ZFAT: variants seen among roughly 807,000 people sequenced by gnomAD.
The protein encoded by ZFAT is zinc finger and AT-hook domain containing.
In ZFAT, 64 loss-of-function variants were observed where a neutral mutation model predicts 117.7. The ratio of observed to expected loss-of-function variants is 0.54; its 90% CI spans 0.44 to 0.67. The LOEUF (loss-of-function observed/expected upper bound fraction) is 0.67. Ranked by LOEUF, ZFAT falls within the 30% of genes least tolerant of loss-of-function variation. The pLI is 0.00. For missense variants in ZFAT, 1,433 were observed against 1,584.5 expected, an observed-to-expected ratio of 0.90 and a Z score of 1.62; for synonymous variants, 679 against 615.0, an observed-to-expected ratio of 1.10 and a Z score of -1.54.
rs181840886 is a variant in ZFAT, at chr8:134,691,470, C to T, written c.19+21375G>A. 3.3e-5 allele frequency among the ~76,000 whole-genome samples: 5 copies of T among 152,348 alleles called. No homozygotes were observed. In the East Asian group the frequency reaches 7.7e-4, roughly 23 times the overall value. ...ATGTCCCCTAGGGGGCGATAAAAGA[C>T]AAACGAGAACTCTGGCCACAGGGCA... is the stretch of plus-strand genomic sequence containing the variant. On this transcript the variant is annotated intron_variant, in intron 1 of 15. Coordinates refer to ENST00000377838, the MANE Select transcript of ZFAT (RefSeq NM_020863.4).
At position 134,620,417 on chromosome 8, in the gene ZFAT, G is replaced by A. The variant is rs578018951; in HGVS notation, c.449-9762C>T. Among the ~76,000 whole-genome samples, 4 of 152,250 alleles carry A rather than the reference G, an allele frequency of 2.6e-5. No homozygotes were observed. In the East Asian group the frequency reaches 7.7e-4, roughly 29 times the overall value. ...CAGTCAACTGCACAGTTGGCTCCCG[G>A]GTGCAACAGGCTGCTGCTCTGGCCT... On this transcript the variant is annotated intron_variant, in intron 3 of 15. Transcript: ENST00000377838.
At chr8:134,591,783 A>G (rs1019859438) in intron 7 of ZFAT, among the ~76,000 whole-genome samples, 1 of 152,208 alleles carries the variant, frequency 6.6e-6, no homozygotes, top group Admixed American at 6.5e-5. Flanking sequence ...AATGCCAAAG[A>G]CAGAGAGCAA....
upstream of ZFAT, among the ~76,000 whole-genome samples, chr8:134,714,984 C>T (rs971054856): frequency 6.6e-6 from 1 of 152,178 alleles, no homozygotes; most frequent in African/African-American, 2.4e-5. Flanking sequence ...ATGAACTGCT[C>T]AAAAAGCTGC....
In ZFAT at chr8:134,586,089, A is replaced by C. The variant is rs10091206; in HGVS notation, c.2714-2084T>G. Among the ~76,000 whole-genome samples the C allele has an allele frequency of 6.9e-3, 1,058 of 152,322 alleles. 16 individuals carry two copies. Among genetic ancestry groups the C allele is most frequent in the African/African-American group, 0.023 (964 of 41,570 alleles). On this transcript the variant is annotated intron_variant, in intron 9 of 15. Coordinates refer to ENST00000377838, the MANE Select transcript of ZFAT (RefSeq NM_020863.4). The stretch of plus-strand genomic sequence containing the variant: ...CAGGGGATCAATTCCAAAGAACCCC[A>C]ATGTATGGTGTGTGTACTGATATCC...
chr8:134,716,264 G>T (rs919302933), upstream of ZFAT, among the ~76,000 whole-genome samples: 2 of 151,886 alleles, frequency 1.3e-5, no homozygotes, highest in African/African-American at 4.8e-5. Context: ...TAATCAGTTT[G>T]GGTTAACAGT....
chr8:134,748,270 A>G, the ZFAT span, among the ~76,000 whole-genome samples: 1 of 152,170 alleles, frequency 6.6e-6, no homozygotes, highest in Non-Finnish European at 1.5e-5. Context: ...TTTTATAGTA[A>G]TAATTTCCTC....
At chr8:134,607,211 C>G (rs778794559) in intron 5 of ZFAT, among the ~76,000 whole-genome samples, 1 of 152,156 alleles carries the variant, frequency 6.6e-6, no homozygotes, top group Non-Finnish European at 1.5e-5. Context: ...TACAAATCAA[C>G]CTGACTTGAA....
intron 10 of ZFAT, among the ~76,000 whole-genome samples, chr8:134,581,968 A>G (rs1168175740): frequency 6.6e-6 from 1 of 152,244 alleles, no homozygotes; most frequent in Non-Finnish European, 1.5e-5. Flanking sequence ...CCTCCCAAAA[A>G]TGTCAGCAGA....
chr8:134,746,949 A>G, the ZFAT span, among the ~76,000 whole-genome samples: 265 of 152,354 alleles, frequency 1.7e-3, 1 homozygote, highest in Middle Eastern at 0.017. Context: ...TTAATGATAA[A>G]TAATTTTCCC....
chr8:134,828,661 C>T, the ZFAT span, among the ~76,000 whole-genome samples: 2 of 152,192 alleles, frequency 1.3e-5, no homozygotes, highest in South Asian at 4.1e-4. Context: ...ATAAGTTCTC[C>T]TATTAACTCA....
chr8:134,639,937 ACCCAAAGAGAAGTCTGGCCTTTG>A, intron 2 of ZFAT: 1 of 362,304 alleles, frequency 2.8e-6, no homozygotes, highest in South Asian at 2.1e-5. Context: ...AATTAACTTT[ACCCAAAGAGAAGTCTGGCCTTTG>A]CCCTTGGCTA....
At chr8:134,594,066 T>C (rs1382993135) in intron 7 of ZFAT, among the ~76,000 whole-genome samples, 1 of 152,258 alleles carries the variant, frequency 6.6e-6, no homozygotes, top group Non-Finnish European at 1.5e-5. Flanking sequence ...AGGGTTTTCC[T>C]TTCCACTGGA....
At chr8:134,593,582 AC>A (rs1481652799) in intron 7 of ZFAT, among the ~76,000 whole-genome samples, 8 of 152,080 alleles carry the variant, frequency 5.3e-5, no homozygotes, top group African/African-American at 1.9e-4. Flanking sequence ...AGCAATCAGG[AC>A]CCTTTGAAAG....
intron 15 of ZFAT, among the ~76,000 whole-genome samples, chr8:134,479,102 C>A (rs1410228291): frequency 6.6e-6 from 1 of 152,088 alleles, no homozygotes; most frequent in South Asian, 2.1e-4. Flanking sequence ...TAGGGGTTGG[C>A]GGTGCTCCTG....
intron 11 of ZFAT, among the ~76,000 whole-genome samples, chr8:134,556,767 T>C (rs984097533): frequency 2.6e-5 from 4 of 152,096 alleles, no homozygotes; most frequent in African/African-American, 9.7e-5. Flanking sequence ...AATTCTAGCA[T>C]ACCAGCACAC....
chr8:134,553,017 AAAAAATG>A (rs1823293797), intron 11 of ZFAT, among the ~76,000 whole-genome samples: 1 of 152,230 alleles, frequency 6.6e-6, no homozygotes, highest in South Asian at 2.1e-4. Flanking sequence ...TGTGCGATGC[AAAAAATG>A]GGTGAGAGGT....
At chr8:134,651,311 T>C (rs1253285787) in intron 2 of ZFAT, among the ~76,000 whole-genome samples, 1 of 152,184 alleles carries the variant, frequency 6.6e-6, no homozygotes, top group Non-Finnish European at 1.5e-5. Context: ...GGATACACAA[T>C]ATGTAGCATA....
chr8:134,712,746 G>T, intron 1 of ZFAT, 99 bp downstream of exon 1: 11 of 1,219,246 alleles, frequency 9.0e-6, no homozygotes, highest in Non-Finnish European at 1.2e-5. Context: ...GCCGGCGGCC[G>T]GCGCACTGCT....
At chr8:134,606,452 C>T (rs1827893437) in intron 5 of ZFAT, among the ~76,000 whole-genome samples, 1 of 152,168 alleles carries the variant, frequency 6.6e-6, no homozygotes, top group African/African-American at 2.4e-5. Context: ...CAGTGGCTCA[C>T]GCCTGTAATT....
Sources: allele counts gnomAD v4.1 joint callset (sites outside exome capture counted in the v4.1 genomes callset), GRCh38; gene constraint gnomAD v4.1.1; transcripts MANE v1.5; gene names NCBI Gene and HGNC (gene_info 2026-07-23, HGNC 2026-07-21).